Variants in OPCML observed in about 807,000 individuals in gnomAD.
The protein encoded by OPCML is opioid binding protein/cell adhesion molecule like.
Under a neutral mutation model 37.8 loss-of-function variants are expected in OPCML, and 13 were observed. That is an observed-to-expected ratio of 0.34 (90% CI 0.22 to 0.55). The LOEUF is 0.55. Ranked by LOEUF, OPCML falls within the 20% of genes least tolerant of loss-of-function variation. The probability of loss-of-function intolerance (pLI) is 0.91; values close to 1 mark genes in which losing one functional copy is unlikely to be tolerated. For missense variants in OPCML, 341 were observed against 435.6 expected (o/e 0.78, Z 1.93); for synonymous variants, 176 against 168.8 (o/e 1.04, Z -0.33).
At chr11:132,877,578 T>G (rs1943067175) in intron 2 of OPCML, among the ~76,000 whole-genome samples, 1 of 152,192 alleles carries the variant, frequency 6.6e-6, no homozygotes, top group Admixed American at 6.5e-5. Context: ...TGTGAACTAT[T>G]AAAAGCCAGG....
At chr11:132,964,521 G>A (rs191511709) in intron 1 of OPCML, among the ~76,000 whole-genome samples, 12 of 152,286 alleles carry the variant, frequency 7.9e-5, no homozygotes, top group South Asian at 2.1e-4. Context: ...ACTTGGCTAG[G>A]AAGTGATTGC....
chr11:132,945,090 A>G (rs1945716941), intron 1 of OPCML, among the ~76,000 whole-genome samples: 1 of 151,902 alleles, frequency 6.6e-6, no homozygotes, highest in Non-Finnish European at 1.5e-5. Context: ...TAGGTCTAAA[A>G]TTTTTAATTA....
intron 1 of OPCML, among the ~76,000 whole-genome samples, chr11:133,161,658 T>C (rs916770451): frequency 5.9e-5 from 9 of 152,206 alleles, no homozygotes; most frequent in African/African-American, 2.2e-4. Context: ...AATGGAGAAG[T>C]TTGAAATATA....
intron 3 of OPCML, among the ~76,000 whole-genome samples, chr11:132,614,834 G>A (rs900586967): frequency 1.3e-5 from 2 of 152,158 alleles, no homozygotes; most frequent in African/African-American, 4.8e-5. Context: ...TTCATAAGCT[G>A]GAAAGTCCAA....
chr11:133,457,175 A>C (rs1946689539), intron 1 of OPCML, among the ~76,000 whole-genome samples: 1 of 152,188 alleles, frequency 6.6e-6, no homozygotes. Context: ...TCAGCAAAAA[A>C]ACTTACAGGC....
rs1287500608 is a variant in OPCML, at chr11:133,173,300, T to C, written c.62-230290A>G. Among the ~76,000 whole-genome samples, 1 of 152,258 alleles carries C rather than the reference T, an allele frequency of 6.6e-6. No individual in the cohort carries two copies. Among genetic ancestry groups the C allele is most frequent in the African/African-American group, 2.4e-5 (1 of 41,474 alleles). On this transcript the variant is annotated intron_variant, in intron 1 of 7. Coordinates refer to ENST00000524381, the MANE Select transcript of OPCML (RefSeq NM_001012393.5). This position sits in a 1 kb window ranked among gnomAD's most constrained non-coding sequence, Gnocchi z 7.8. ...TGTTACAGCTATAATAACATGATTA[T>C]TTAATATGTTTAATATCTGTCTCTA...
intron 1 of OPCML, among the ~76,000 whole-genome samples, chr11:133,184,665 A>C (rs1433131096): frequency 6.6e-6 from 1 of 152,238 alleles, no homozygotes; most frequent in Non-Finnish European, 1.5e-5. Context: ...AAGACGGGGA[A>C]GTCTACTTCC....
At chr11:132,682,141 C>T (rs1424400206) in intron 2 of OPCML, among the ~76,000 whole-genome samples, 2 of 152,146 alleles carry the variant, frequency 1.3e-5, no homozygotes, top group Non-Finnish European at 2.9e-5. Context: ...CTCAAAAGCG[C>T]TCACCCACGC....
At chr11:132,975,691 G>T in intron 1 of OPCML, among the ~76,000 whole-genome samples, 1 of 151,340 alleles carries the variant, frequency 6.6e-6, no homozygotes, top group East Asian at 1.9e-4. Context: ...TCAGCAGCTG[G>T]CTTTCTTTTT....
At chr11:133,473,115 T>C (rs181605930) in intron 1 of OPCML, among the ~76,000 whole-genome samples, 2 of 152,300 alleles carry the variant, frequency 1.3e-5, no homozygotes, top group South Asian at 2.1e-4. Context: ...TCAGGAAAGA[T>C]GAGTCTATAA....
chr11:132,557,148 C>T (rs1194464168), intron 3 of OPCML, among the ~76,000 whole-genome samples: 6 of 152,104 alleles, frequency 3.9e-5, no homozygotes, highest in Admixed American at 3.3e-4. Flanking sequence ...ACCATTTTTA[C>T]CTCTTTTATT....
chr11:132,482,410 A>G (rs1464243500), intron 4 of OPCML, among the ~76,000 whole-genome samples: 1 of 152,004 alleles, frequency 6.6e-6, no homozygotes, highest in Non-Finnish European at 1.5e-5. Flanking sequence ...ACAGGATCTG[A>G]AATTGTGGCA....
chr11:133,278,141 T>C (rs991435423), intron 1 of OPCML, among the ~76,000 whole-genome samples: 1 of 152,166 alleles, frequency 6.6e-6, no homozygotes, highest in Non-Finnish European at 1.5e-5. Context: ...ACGGGCTCTT[T>C]TAAGCCTGCT....
chr11:133,386,815 C>T (rs73602498), intron 1 of OPCML, among the ~76,000 whole-genome samples: 8,868 of 152,192 alleles, frequency 0.058, 877 homozygotes, highest in African/African-American at 0.2. Flanking sequence ...CCACTGGGAG[C>T]GAAAACTGGC....
At chr11:133,090,661 A>G (rs968144363) in intron 1 of OPCML, among the ~76,000 whole-genome samples, 7 of 152,206 alleles carry the variant, frequency 4.6e-5, no homozygotes, top group African/African-American at 1.7e-4. Flanking sequence ...AATTTGGCAA[A>G]AGAAACCTCC....
chr11:132,756,127 G>C (rs926838968), intron 2 of OPCML, among the ~76,000 whole-genome samples: 1 of 152,186 alleles, frequency 6.6e-6, no homozygotes, highest in Admixed American at 6.5e-5. Flanking sequence ...CGGCTGTGCA[G>C]TTGAATCATG....
intron 2 of OPCML, among the ~76,000 whole-genome samples, chr11:132,711,330 G>C (rs1351650235): frequency 1.3e-5 from 2 of 152,138 alleles, no homozygotes; most frequent in Non-Finnish European, 2.9e-5. Flanking sequence ...TAACCCAAAA[G>C]AATGACATTC....
chr11:132,912,839 C>T (rs1221925560), intron 2 of OPCML, among the ~76,000 whole-genome samples: 2 of 152,142 alleles, frequency 1.3e-5, no homozygotes, highest in East Asian at 3.9e-4. Flanking sequence ...AGTGGCTTCC[C>T]GTAGGATAAA....
At chr11:133,117,114 T>C (rs76596169) in intron 1 of OPCML, among the ~76,000 whole-genome samples, 1 of 152,128 alleles carries the variant, frequency 6.6e-6, no homozygotes, top group Admixed American at 6.5e-5. Flanking sequence ...TTTAAAAAAA[T>C]TTTTAATACT....
Sources: allele counts gnomAD v4.1 joint callset (sites outside exome capture counted in the v4.1 genomes callset), GRCh38; gene constraint gnomAD v4.1.1; non-coding constraint Gnocchi (gnomAD v3.1); transcripts MANE v1.5; gene names NCBI Gene and HGNC (gene_info 2026-07-23, HGNC 2026-07-21).